The following NDRG3 variants were observed in gnomAD, a reference collection of about 807,000 sequenced individuals.
The protein encoded by NDRG3 is protein NDRG3.
Under a neutral mutation model 57.2 loss-of-function variants are expected in NDRG3, and 23 were observed. That is an observed-to-expected ratio of 0.40 (90% CI 0.29 to 0.57). The LOEUF is 0.57. NDRG3 is among the 20% of genes least tolerant of loss of function. The pLI is 0.42. For missense variants in NDRG3, 384 were observed against 457.3 expected (o/e 0.84, Z 1.46); for synonymous variants, 132 against 162.6 (o/e 0.81, Z 1.43).
rs186588837 is a variant in NDRG3, at chr20:36,675,588, G to A, written c.532-4191C>T. On this transcript the variant is annotated intron_variant, in intron 8 of 15. Coordinates refer to ENST00000349004, the MANE Select transcript of NDRG3 (RefSeq NM_032013.4). ...TTTAGTAGAGACGGGGTTTCTCCATGTTGGTCAGGCTGGTCTCGAACTCCC... is the reference window on the plus strand; with the variant it reads ...TTTAGTAGAGACGGGGTTTCTCCATATTGGTCAGGCTGGTCTCGAACTCCC... Among the ~76,000 whole-genome samples the A allele has an allele frequency of 3.2e-3, 494 of 152,126 alleles. 7 individuals carry two copies. Among genetic ancestry groups the A allele is most frequent in the African/African-American group, 0.012 (477 of 41,478 alleles).
At chr20:36,675,628 T>C (rs1419961494) in intron 8 of NDRG3, among the ~76,000 whole-genome samples, 1 of 151,848 alleles carries the variant, frequency 6.6e-6, no homozygotes, top group Non-Finnish European at 1.5e-5. Flanking sequence ...TCAGGTGATA[T>C]GCCCACCTCG....
chr20:36,668,046 C>T (rs555679661), intron 9 of NDRG3, among the ~76,000 whole-genome samples: 1 of 152,112 alleles, frequency 6.6e-6, no homozygotes, highest in African/African-American at 2.4e-5. Flanking sequence ...TTGAGACCAG[C>T]GTGGGTTAAC....
intron 2 of NDRG3, among the ~76,000 whole-genome samples, chr20:36,712,367 C>G (rs1227935412): frequency 6.7e-6 from 1 of 149,150 alleles, no homozygotes; most frequent in Non-Finnish European, 1.5e-5. Context: ...GGGCCCTTCC[C>G]TAGAGACTTG....
chr20:36,710,973 C>A (rs1460178628), intron 2 of NDRG3, among the ~76,000 whole-genome samples: 2 of 151,000 alleles, frequency 1.3e-5, no homozygotes, highest in Admixed American at 1.3e-4. Flanking sequence ...GAGCAAGACT[C>A]CATCTCAAAA....
intron 12 of NDRG3, among the ~76,000 whole-genome samples, chr20:36,661,929 G>A (rs567187194): frequency 1.3e-5 from 2 of 152,228 alleles, no homozygotes; most frequent in South Asian, 2.1e-4. Context: ...TCACCAAATC[G>A]GAGTTTTGAT....
chr20:36,733,822 C>T (rs979698394), intron 1 of NDRG3, among the ~76,000 whole-genome samples: 8 of 152,136 alleles, frequency 5.3e-5, no homozygotes, highest in African/African-American at 1.9e-4. Flanking sequence ...GGTTAGAAAG[C>T]CACAGGAAGT....
intron 8 of NDRG3, 52 bp downstream of exon 8, chr20:36,680,757 GGTAAGCT>G: frequency 7.4e-7 from 1 of 1,353,022 alleles, no homozygotes; most frequent in South Asian, 1.2e-5. Flanking sequence ...ATGAAAAACT[GGTAAGCT>G]GTTTTGAGAT....
intron 1 of NDRG3, among the ~76,000 whole-genome samples, chr20:36,723,265 C>A (rs1037670009): frequency 7.2e-5 from 11 of 152,076 alleles, no homozygotes; most frequent in Admixed American, 5.2e-4. Flanking sequence ...AGAGAGGAGA[C>A]AAGTTGGAGA....
At chr20:36,667,796 A>G (rs1432371460) in intron 9 of NDRG3, among the ~76,000 whole-genome samples, 3 of 152,184 alleles carry the variant, frequency 2.0e-5, no homozygotes, top group African/African-American at 4.8e-5. Context: ...ATTTCTTCAC[A>G]TTTTCACAAC....
chr20:36,662,948 G>A (rs557906932), intron 12 of NDRG3, among the ~76,000 whole-genome samples: 2 of 152,284 alleles, frequency 1.3e-5, no homozygotes, highest in African/African-American at 4.8e-5. Flanking sequence ...GATCCAAGAT[G>A]AACAGAAATA....
intron 5 of NDRG3, among the ~76,000 whole-genome samples, chr20:36,684,833 G>T (rs1283308156): frequency 6.8e-6 from 1 of 147,426 alleles, no homozygotes; most frequent in African/African-American, 2.5e-5. Flanking sequence ...TGGGCAACAA[G>T]AGCAAAACTC....
intron 1 of NDRG3, among the ~76,000 whole-genome samples, chr20:36,726,275 CT>C (rs1403910224): frequency 1.3e-5 from 2 of 152,142 alleles, no homozygotes; most frequent in Non-Finnish European, 2.9e-5. Flanking sequence ...CCAACAAACA[CT>C]TAAACAAAGA....
chr20:36,684,668 G>A (rs1217676255), intron 5 of NDRG3, among the ~76,000 whole-genome samples, 193 bp from the exon 6 acceptor site: 3 of 152,074 alleles, frequency 2.0e-5, no homozygotes, highest in African/African-American at 4.8e-5. Flanking sequence ...TGACCAACAT[G>A]GAGAAACCTC....
rs780313458 is a variant in NDRG3, at chr20:36,687,593, T to A, written c.219A>T (p.Ala73=). 1 of 1,613,844 alleles carries A rather than the reference T, an allele frequency of 6.2e-7. No homozygotes were observed. Among genetic ancestry groups the A allele is most frequent in the African/African-American group, 1.3e-5 (1 of 75,010 alleles). ...IGLNHKSCFN[A]FFNFEDMQEI... ...CTTGCATATCCTCAAAGTTAAAGAATGCATTGAAACAGGATTTATCTATAA... is the reference window on the plus strand; with the variant it reads ...CTTGCATATCCTCAAAGTTAAAGAAAGCATTGAAACAGGATTTATCTATAA... The change falls in exon 5 of 16, where the codon GCA becomes GCT. Residue 73 remains alanine (A), a synonymous_variant. Transcript: ENST00000349004.
chr20:36,674,963 T>A (rs1034213742), intron 8 of NDRG3, among the ~76,000 whole-genome samples: 1 of 140,308 alleles, frequency 7.1e-6, no homozygotes, highest in Non-Finnish European at 1.5e-5. Context: ...GGTGTGATCA[T>A]GGCTCACTAC....
Position 36,746,079 on chromosome 20 carries a change from A to AGCGGCGGCGGCAGCG in NDRG3, c.-84_-83insCGCTGCCGCCGCCGC, listed in dbSNP as rs1986183242. 2 of 244,690 alleles carry AGCGGCGGCGGCAGCG rather than the reference A, an allele frequency of 8.2e-6. No homozygotes were observed. The highest frequency in any genetic ancestry group is 1.5e-4 in the South Asian group (1 of 6,688). The allele number at this position is 244,690 out of a possible 1,614,324, so 15.2% of individuals were successfully genotyped here. A position where few individuals can be genotyped will look rare whatever the true frequency, so the allele number is the denominator to read the frequency against. On this transcript the variant is annotated 5_prime_UTR_variant, in exon 1 of 16. Coordinates refer to ENST00000349004, the MANE Select transcript of NDRG3 (RefSeq NM_032013.4). ...GGGCACCCGCCGTCAGTGCAGCAGC[A>AGCGGCGGCGGCAGCG]GCGGCGGCGGCGGCGGCGGCGGCGG... is the stretch of plus-strand genomic sequence containing the variant.
chr20:36,740,833 A>G (rs538437736), intron 1 of NDRG3, among the ~76,000 whole-genome samples: 19 of 152,278 alleles, frequency 1.2e-4, no homozygotes, highest in African/African-American at 4.6e-4. Context: ...TGAGAGAACA[A>G]TTAATTGTAG....
chr20:36,676,760 C>A (rs1392568369), intron 8 of NDRG3, among the ~76,000 whole-genome samples: 1 of 152,252 alleles, frequency 6.6e-6, no homozygotes, highest in Non-Finnish European at 1.5e-5. Context: ...ACGTGCCTGG[C>A]CTAACAGTGA....
chr20:36,674,503 C>T (rs1980475417), intron 8 of NDRG3, among the ~76,000 whole-genome samples: 1 of 149,684 alleles, frequency 6.7e-6, no homozygotes, highest in African/African-American at 2.5e-5. Flanking sequence ...ACGCCCAGCC[C>T]TCTTTAAGTC....
Sources: gnomAD v4.1 joint callset for allele counts (sites outside exome capture counted in the v4.1 genomes callset) on GRCh38, gnomAD v4.1.1 for gene constraint, MANE v1.5 for transcripts, NCBI Gene and HGNC (gene_info 2026-07-23, HGNC 2026-07-21) for gene names.